The following GRAP variants were observed in gnomAD, a reference collection of about 807,000 sequenced individuals.
GRAP encodes the protein GRB2 related adaptor protein, also known as GRB2-related adapter protein.
A neutral mutation model predicts 9.1 loss-of-function variants in GRAP; 2 were observed. That is an observed-to-expected ratio of 0.22 (90% CI 0.09 to 0.69). The LOEUF (loss-of-function observed/expected upper bound fraction) is 0.69, where lower values mean the gene tolerates loss of function less well. GRAP is among the 30% of genes least tolerant of loss of function. The pLI is 0.81. For synonymous variants in GRAP, 68 were observed against 73.6 expected, an observed-to-expected ratio of 0.92 and a Z score of 0.39; for missense variants, 113 against 179.4, an observed-to-expected ratio of 0.63 and a Z score of 2.12.
At chr17:19,022,871 C>G (rs1016889681) in intron 4 of GRAP, among the ~76,000 whole-genome samples, 2 of 152,202 alleles carry the variant, frequency 1.3e-5, no homozygotes, top group Admixed American at 6.5e-5. Flanking sequence ...AGCAGAGAAG[C>G]TGTAATTAGC....
intron 4 of GRAP, 45 bp from the exon 5 acceptor site, chr17:19,022,189 G>A: frequency 1.7e-6 from 2 of 1,143,220 alleles, no homozygotes; most frequent in South Asian, 3.6e-5. Context: ...CAGAAGCCCT[G>A]CAACCCACCC....
Position 19,021,929 on chromosome 17 carries a change from G to T in GRAP, c.*30C>A, listed in dbSNP as rs1433660285. 1 of 1,469,992 alleles carries T rather than the reference G, an allele frequency of 6.8e-7. No homozygotes were observed. Among genetic ancestry groups the T allele is most frequent in the Admixed American group, 2.6e-5 (1 of 38,778 alleles). 91.1% of individuals were successfully genotyped at this position (1,469,992 alleles called of 1,614,324 possible). The stretch of plus-strand genomic sequence containing the variant: ...TCTGGACCTCAGTTCCTGTAAAAAG[G>T]CCCGTTGGCCAGATCGGCCGCCGGG... On this transcript the variant is annotated 3_prime_UTR_variant, in exon 5 of 5. Transcript: ENST00000284154. This position sits in a 1 kb window ranked among gnomAD's most constrained non-coding sequence, Gnocchi z 4.1.
rs774325073 is a variant in GRAP at position 19,022,018 on chromosome 17, G to A, written c.595C>T (p.Arg199Trp). 4 of 1,597,874 alleles carry A rather than the reference G, an allele frequency of 2.5e-6. No individual in the cohort carries two copies. The highest frequency in any genetic ancestry group is 1.7e-4 in the Middle Eastern group (1 of 5,864). Residue 199 changes from arginine (R) to tryptophan (W), a missense_variant, in exon 5 of 5, where the codon CGG (arginine) becomes TGG (tryptophan). Arg to Trp is a moderately radical substitution (Grantham distance 101). Around this residue, in one of 2 missense-constraint regions of GRAP, gnomAD observed 113 missense variants for 163.3 expected, o/e 0.69. Coordinates refer to ENST00000284154, the MANE Select transcript of GRAP (RefSeq NM_006613.4). ...ERPDPHWWRG[R>W]SCGRVGFFPR... Reference sequence around the variant, plus strand: ...AAGAAGCCAACGCGCCCGCAGGACCGGCCCCGCCACCAGTGGGGGTCTGGG... The same window carrying A: ...AAGAAGCCAACGCGCCCGCAGGACCAGCCCCGCCACCAGTGGGGGTCTGGG...
chr17:19,025,164 G>A lies in GRAP; in HGVS notation c.300-781C>T, dbSNP rs907761480. 3.3e-5 allele frequency among the ~76,000 whole-genome samples: 5 copies of A among 151,380 alleles called. No homozygotes were observed. The South Asian group carries it at 1.1e-3, about 32-fold the overall frequency. ...GTACCTTCTAGCCCAGCGGAGGAGA[G>A]AGCCTGCTCTTTCTTTTTTCTTTTC... On this transcript the variant is annotated intron_variant, in intron 3 of 4. Transcript: ENST00000284154.
intron 4 of GRAP, among the ~76,000 whole-genome samples, chr17:19,023,558 C>T (rs964203251): frequency 1.2e-4 from 18 of 152,252 alleles, no homozygotes; most frequent in African/African-American, 4.3e-4. Flanking sequence ...CAGAGCTGGC[C>T]CTTGGGGCTC....
intron 3 of GRAP, among the ~76,000 whole-genome samples, chr17:19,025,124 G>A (rs1038711923): frequency 4.0e-5 from 6 of 151,770 alleles, no homozygotes; most frequent in Middle Eastern, 6.8e-3. Flanking sequence ...GCCCACTACC[G>A]CCAAATCGCC....
rs550844610 is a variant in GRAP at position 19,024,338 on chromosome 17, C to G, written c.345G>C (p.Ser115=). 2 of 1,611,992 alleles carry G rather than the reference C, an allele frequency of 1.2e-6. No individual in the cohort carries two copies. Among genetic ancestry groups the G allele is most frequent in the Non-Finnish European group, 1.7e-6 (2 of 1,179,408 alleles). The change falls in exon 4 of 5, where the codon TCG becomes TCC. Residue 115 remains serine (S), a synonymous_variant. Coordinates refer to ENST00000284154, the MANE Select transcript of GRAP (RefSeq NM_006613.4). The surrounding 1 kb of genome is among the most constrained non-coding windows in gnomAD (Gnocchi z 4.2). ...TCTCCTCCCACAGGAAGTACTTCCC[C>G]GAGGCCTCACGCAGCACCTTGAAGT... ...VQHFKVLREA[S]GKYFLWEEKF... is the part of the protein sequence containing the mutation.
At chr17:19,022,508 T>C (rs2044280236) in intron 4 of GRAP, 1 of 226,492 alleles carries the variant, frequency 4.4e-6, no homozygotes, top group Non-Finnish European at 8.6e-6. Flanking sequence ...ATGGTAGCTT[T>C]TGACTCCAGG....
chr17:19,024,218 G>A lies in GRAP; in HGVS notation c.465C>T (p.Leu155=). 1.3e-6 allele frequency: 2 copies of A among 1,583,872 alleles called. No individual in the cohort carries two copies. Among genetic ancestry groups the A allele is most frequent in the Middle Eastern group, 1.7e-4 (1 of 6,018 alleles). Residue 155 remains leucine, a synonymous_variant, in exon 4 of 5, where the codon CTC becomes CTT. Transcript: ENST00000284154. This position sits in a 1 kb window ranked among gnomAD's most constrained non-coding sequence, Gnocchi z 4.2. ...QIFLRDEEPL[L]KSPGACFAQA... is the part of the protein sequence containing the mutation. Reference sequence around the variant, plus strand: ...GCCAGCCCCCACCCGCCCCTACCTTGAGCAAGGGCTCCTCGTCGCGCAGGA... The same window carrying A: ...GCCAGCCCCCACCCGCCCCTACCTTAAGCAAGGGCTCCTCGTCGCGCAGGA...
intron 3 of GRAP, among the ~76,000 whole-genome samples, chr17:19,025,198 T>C (rs2044305027): frequency 6.8e-6 from 1 of 146,582 alleles, no homozygotes; most frequent in African/African-American, 2.5e-5. Context: ...TCTTTTCTTT[T>C]TTTTTTTTTT....
At position 19,021,767 on chromosome 17, in the gene GRAP, TG is replaced by T. The variant is rs2044267934; in HGVS notation, c.*191del. On this transcript the variant is annotated 3_prime_UTR_variant, in exon 5 of 5. Transcript: ENST00000284154. The surrounding 1 kb of genome is among the most constrained non-coding windows in gnomAD (Gnocchi z 4.1). ...CAGGAAGCCCCGGAGCTACCCTTGCTGGGTACCCTTGCTGGGGGACCTGGGC... is the reference window on the plus strand; with the variant it reads ...CAGGAAGCCCCGGAGCTACCCTTGCTGGTACCCTTGCTGGGGGACCTGGGC... 4.3e-6 allele frequency: 2 copies of T among 461,560 alleles called. No homozygotes were observed. Among genetic ancestry groups the T allele is most frequent in the Non-Finnish European group, 7.2e-6 (2 of 278,722 alleles). 28.6% of individuals were successfully genotyped at this position (461,560 alleles called of 1,614,324 possible).
chr17:19,027,484 G>A (rs1634412), intron 3 of GRAP, among the ~76,000 whole-genome samples: 67,168 of 121,102 alleles, frequency 0.55, 21,630 homozygotes, highest in Non-Finnish European at 0.73. Context: ...GCGCGCGCGC[G>A]CACACACACA....
rs188747641 is a variant in GRAP, at chr17:19,020,685, A to G, written c.*1274T>C. On this transcript the variant is annotated 3_prime_UTR_variant, in exon 5 of 5. Transcript: ENST00000284154. ...AAGGAAAATTAGATTTCTGACGGAC[A>G]TCCTGATGTTGGTTTTACTGTTTTC... 6 of 539,928 alleles carry G rather than the reference A, an allele frequency of 1.1e-5. No individual in the cohort carries two copies. Among genetic ancestry groups the G allele is most frequent in the African/African-American group, 7.6e-5 (4 of 52,902 alleles). The allele number at this position is 539,928 out of a possible 1,614,324, so 33.4% of individuals were successfully genotyped here. A position where few individuals can be genotyped will look rare whatever the true frequency, so the allele number is the denominator to read the frequency against.
At position 19,024,042 on chromosome 17, in the gene GRAP, A is replaced by G. The variant is rs893040222; in HGVS notation, c.468+173T>C. Among the ~76,000 whole-genome samples, 1 of 152,108 alleles carries G rather than the reference A, an allele frequency of 6.6e-6. No individual in the cohort carries two copies. The highest frequency in any genetic ancestry group is 1.5e-5 in the Non-Finnish European group (1 of 68,006). The stretch of plus-strand genomic sequence containing the variant: ...CTTTCCCACCCTTGCAAGTCTCACC[A>G]TAGCCGCCACCAGGATATAACTTCG... On this transcript the variant is annotated intron_variant, in intron 4 of 4. Transcript: ENST00000284154. The surrounding 1 kb of genome is among the most constrained non-coding windows in gnomAD (Gnocchi z 4.2).
chr17:19,027,259 G>A (rs2044314385), intron 3 of GRAP, among the ~76,000 whole-genome samples: 2 of 141,306 alleles, frequency 1.4e-5, no homozygotes, highest in African/African-American at 5.2e-5. Flanking sequence ...CCGAGGGAGG[G>A]CACCTGTTCA....
In GRAP at chr17:19,021,144, C is replaced by T. The variant is rs762783828; in HGVS notation, c.*815G>A. ...CTCTAAAACCTAGCTCTGGCCCCAA[C>T]TTTCTGTCTGCCCTGGAGGTTTCTC... On this transcript the variant is annotated 3_prime_UTR_variant, in exon 5 of 5. Coordinates refer to ENST00000284154, the MANE Select transcript of GRAP (RefSeq NM_006613.4). The surrounding 1 kb of genome is among the most constrained non-coding windows in gnomAD (Gnocchi z 4.1). The T allele has an allele frequency of 6.6e-6, 1 of 152,348 alleles. No individual in the cohort carries two copies. The highest frequency in any genetic ancestry group is 6.5e-5 in the Admixed American group (1 of 15,286). The allele number at this position is 152,348 out of a possible 1,614,324, so 9.4% of individuals were successfully genotyped here.
chr17:19,025,156 G>A (rs569123538), intron 3 of GRAP, among the ~76,000 whole-genome samples: 13 of 151,648 alleles, frequency 8.6e-5, no homozygotes, highest in Non-Finnish European at 1.5e-4. Context: ...CTAGCCCAGC[G>A]GAGGAGAGAG....
At chr17:19,022,223 G>T in intron 4 of GRAP, 79 bp from the exon 5 acceptor site, 1 of 795,802 alleles carries the variant, frequency 1.3e-6, no homozygotes, top group South Asian at 2.1e-5. Context: ...CCCAAGAGAA[G>T]TGATTTGCCA....
chr17:19,027,254 G>A (rs1827517663), intron 3 of GRAP, among the ~76,000 whole-genome samples: 1 of 140,534 alleles, frequency 7.1e-6, no homozygotes, highest in African/African-American at 2.6e-5. Flanking sequence ...GGACCCCGAG[G>A]GAGGGCACCT....
Sources: allele counts gnomAD v4.1 joint callset (sites outside exome capture counted in the v4.1 genomes callset), GRCh38; gene constraint gnomAD v4.1.1; regional missense constraint gnomAD v4.1.1; non-coding constraint Gnocchi (gnomAD v3.1); transcripts MANE v1.5; gene names NCBI Gene and HGNC (gene_info 2026-07-23, HGNC 2026-07-21).